The following THSD7B variants were observed in gnomAD, a reference collection of about 807,000 sequenced individuals.
The protein encoded by THSD7B is thrombospondin type 1 domain containing 7B.
THSD7B carries 138 observed loss-of-function variants against 213.6 expected under a neutral mutation model. The observed-to-expected ratio is 0.65, with a 90% CI of 0.56 to 0.74. The LOEUF (loss-of-function observed/expected upper bound fraction) is 0.74. THSD7B is among the 30% of genes least tolerant of loss of function. The pLI, the probability that THSD7B is intolerant of heterozygous loss-of-function variation, is 0.00. For synonymous variants in THSD7B, 742 were observed against 687.0 expected (o/e 1.08, Z -1.25); for missense variants, 1,931 against 1,991.5 (o/e 0.97, Z 0.58).
intron 2 of THSD7B, among the ~76,000 whole-genome samples, chr2:136,965,202 C>G (rs764408046): frequency 6.6e-6 from 1 of 152,150 alleles, no homozygotes; most frequent in Non-Finnish European, 1.5e-5. Context: ...ACAGTTAACA[C>G]GGCTTCTACA....
At position 137,233,084 on chromosome 2, in the gene THSD7B, C is replaced by T. The variant is rs1190732494; in HGVS notation, c.2101C>T (p.Arg701Trp). The T allele has an allele frequency of 7.4e-6, 12 of 1,613,666 alleles. No homozygotes were observed. Among genetic ancestry groups the T allele is most frequent in the African/African-American group, 1.3e-5 (1 of 74,908 alleles). ...CACGTGTGGTGTAGGCATTCAGACT[C>T]GGAGAGTCTTCTGTGTCAAGAGTCA... ...EATCGVGIQT[R>W]RVFCVKSHVG... Residue 701 changes from arginine (R) to tryptophan (W), a missense_variant, in exon 9 of 28, where the codon CGG (arginine) becomes TGG (tryptophan). Arg to Trp is a moderately radical substitution (Grantham distance 101). Transcript: ENST00000409968.
intron 1 of THSD7B, among the ~76,000 whole-genome samples, chr2:136,766,984 T>TTG (rs143651112): frequency 7.8e-5 from 7 of 90,132 alleles, no homozygotes; most frequent in African/African-American, 2.5e-4. Context: ...GTGTGTGTGT[T>TTG]TGTGTGTGTG....
At chr2:137,394,386 C>G (rs1484588919) in intron 12 of THSD7B, among the ~76,000 whole-genome samples, 1 of 136,564 alleles carries the variant, frequency 7.3e-6, no homozygotes, top group Admixed American at 7.3e-5. Context: ...ATATGGCTAG[C>G]CAGTTATCCC....
chr2:137,321,085 T>C (rs999770231), intron 12 of THSD7B, among the ~76,000 whole-genome samples: 1 of 152,244 alleles, frequency 6.6e-6, no homozygotes, highest in Non-Finnish European at 1.5e-5. Context: ...AGATTAGTTA[T>C]ATAAAGTCCT....
At position 137,378,646 on chromosome 2, in the gene THSD7B, G is replaced by A. The variant is rs575239917; in HGVS notation, c.2501-26967G>A. Among the ~76,000 whole-genome samples the A allele has an allele frequency of 5.3e-5, 8 of 152,080 alleles. No homozygotes were observed. In the East Asian group the frequency reaches 5.8e-4, roughly 11 times the overall value. On this transcript the variant is annotated intron_variant, in intron 12 of 27. Coordinates refer to ENST00000409968, the MANE Select transcript of THSD7B (RefSeq NM_001316349.2). ...GATTCCTAACAGTTATTCTTTCACC[G>A]CTCATTCTTGAAAGTCTTCACTCTA...
At chr2:137,362,426 G>T (rs1685286777) in intron 12 of THSD7B, among the ~76,000 whole-genome samples, 1 of 152,148 alleles carries the variant, frequency 6.6e-6, no homozygotes, top group Non-Finnish European at 1.5e-5. Context: ...CCAGTTAAAA[G>T]ACACAGACTG....
intron 15 of THSD7B, among the ~76,000 whole-genome samples, chr2:137,521,347 A>G (rs1014982987): frequency 1.1e-4 from 16 of 152,184 alleles, no homozygotes; most frequent in Non-Finnish European, 1.8e-4. Flanking sequence ...CTGTGACTAC[A>G]GACATCAGTG....
At chr2:137,277,852 T>TAAA (rs1682908034) in intron 12 of THSD7B, among the ~76,000 whole-genome samples, 1 of 152,074 alleles carries the variant, frequency 6.6e-6, no homozygotes, top group African/African-American at 2.4e-5. Context: ...GAGTTGAGGA[T>TAAA]AAAAGCTGGA....
At chr2:137,328,084 C>T (rs1263379686) in intron 12 of THSD7B, among the ~76,000 whole-genome samples, 2 of 152,190 alleles carry the variant, frequency 1.3e-5, no homozygotes, top group East Asian at 3.8e-4. Flanking sequence ...TTCACTGCTT[C>T]TCCTTTACAA....
At chr2:137,262,735 G>A (rs973410853) in intron 10 of THSD7B, among the ~76,000 whole-genome samples, 3 of 152,168 alleles carry the variant, frequency 2.0e-5, no homozygotes, top group African/African-American at 7.2e-5. Flanking sequence ...GGATGCATAA[G>A]AAACTCTTCT....
chr2:137,018,735 G>A (rs1297910058), intron 2 of THSD7B, among the ~76,000 whole-genome samples: 2 of 152,136 alleles, frequency 1.3e-5, no homozygotes, highest in Non-Finnish European at 2.9e-5. Context: ...ACCATTATTA[G>A]CCAAGTAATC....
chr2:136,935,205 T>G (rs1393113503), intron 2 of THSD7B, among the ~76,000 whole-genome samples: 1 of 152,332 alleles, frequency 6.6e-6, no homozygotes, highest in South Asian at 2.1e-4. Flanking sequence ...TTTGTATTTA[T>G]GCAGAACACT....
chr2:137,317,689 A>G (rs948462125), intron 12 of THSD7B, among the ~76,000 whole-genome samples: 2 of 152,100 alleles, frequency 1.3e-5, no homozygotes, highest in African/African-American at 4.8e-5. Flanking sequence ...TTGAGGTGGG[A>G]GGATCTCTTG....
chr2:137,147,769 A>G lies in THSD7B; in HGVS notation c.1370-12444A>G, dbSNP rs77196488. Among the ~76,000 whole-genome samples the G allele has an allele frequency of 1.6e-3, 239 of 152,288 alleles. 2 individuals carry two copies. The highest frequency in any genetic ancestry group is 5.2e-3 in the African/African-American group (218 of 41,568). On this transcript the variant is annotated intron_variant, in intron 5 of 27. Coordinates refer to ENST00000409968, the MANE Select transcript of THSD7B (RefSeq NM_001316349.2). ...CATCTTGTGACCAGAACTGAAGTCT[A>G]CGAGACCTAGCTCTGATTTTTCTCA...
intron 4 of THSD7B, among the ~76,000 whole-genome samples, chr2:137,106,466 A>G (rs1040436146): frequency 6.6e-6 from 1 of 152,170 alleles, no homozygotes; most frequent in Non-Finnish European, 1.5e-5. Context: ...AGGCGATAGC[A>G]TTCGGGACAT....
chr2:137,564,756 A>G (rs1681197880), intron 16 of THSD7B, among the ~76,000 whole-genome samples: 1 of 152,142 alleles, frequency 6.6e-6, no homozygotes, highest in Non-Finnish European at 1.5e-5. Context: ...CTTGAACAAG[A>G]AGGCCTTTCA....
At chr2:136,775,424 A>G (rs1297586994) in intron 1 of THSD7B, among the ~76,000 whole-genome samples, 2 of 152,136 alleles carry the variant, frequency 1.3e-5, no homozygotes, top group African/African-American at 4.8e-5. Flanking sequence ...AAGGCACTAG[A>G]AAAAGGTTTT....
chr2:136,961,794 G>T (rs1229092636), intron 2 of THSD7B, among the ~76,000 whole-genome samples: 1 of 152,146 alleles, frequency 6.6e-6, no homozygotes, highest in Non-Finnish European at 1.5e-5. Context: ...TACAACCTTC[G>T]GTTACTAATC....
intron 15 of THSD7B, among the ~76,000 whole-genome samples, chr2:137,489,288 G>T (rs1348036668): frequency 6.6e-6 from 1 of 151,954 alleles, no homozygotes; most frequent in Non-Finnish European, 1.5e-5. Context: ...AGCCGGGCGT[G>T]GTGGTGCACA....
Sources: gnomAD v4.1 joint callset for allele counts (sites outside exome capture counted in the v4.1 genomes callset) on GRCh38, gnomAD v4.1.1 for gene constraint, MANE v1.5 for transcripts, NCBI Gene and HGNC (gene_info 2026-07-23, HGNC 2026-07-21) for gene names.